EYS: variants seen among roughly 807,000 people sequenced by gnomAD.
EYS encodes the protein protein eyes shut homolog.
EYS carries 250 observed loss-of-function variants against 282.1 expected under a neutral mutation model. The observed-to-expected ratio is 0.89, with a 90% CI of 0.80 to 0.98. The LOEUF is 0.98. EYS is among the 50% of genes least tolerant of loss of function. The pLI is 0.00. For missense variants in EYS, 4,016 were observed against 3,709.0 expected (o/e 1.08, Z -2.15); for synonymous variants, 1,355 against 1,282.9 (o/e 1.06, Z -1.20).
intron 14 of EYS, 61 bp from the exon 15 acceptor site, chr6:64,945,975 G>T: frequency 1.6e-6 from 2 of 1,285,922 alleles, no homozygotes; most frequent in African/African-American, 3.0e-5. Flanking sequence ...CTATAATACA[G>T]ATATTACTCC....
At chr6:64,434,173 A>C (rs910607344) in intron 28 of EYS, among the ~76,000 whole-genome samples, 1 of 152,122 alleles carries the variant, frequency 6.6e-6, no homozygotes, top group African/African-American at 2.4e-5. Flanking sequence ...ATATGAAGAC[A>C]CAGAGAGAAT....
intron 29 of EYS, among the ~76,000 whole-genome samples, chr6:64,369,993 C>T (rs1772310442): frequency 6.6e-6 from 1 of 151,920 alleles, no homozygotes; most frequent in Non-Finnish European, 1.5e-5. Flanking sequence ...AGTTTGACTT[C>T]CTTTCTTCCT....
rs750573182 is a variant in EYS, at chr6:65,335,118, C to T, written c.1628G>A (p.Ser543Asn). Residue 543 changes from serine (S) to asparagine (N), a missense_variant, in exon 11 of 43, where the codon AGT becomes AAT. Ser to Asn is a conservative substitution (Grantham distance 46, BLOSUM62 1). Coordinates refer to ENST00000503581, the MANE Select transcript of EYS (RefSeq NM_001142800.2). ...CCGATATTCCTGACTGTCTTCTTCA[C>T]TCAAACAACTGCATCCATTTGCACA... ...EICANGCSCL[S>N]EEDSQEYRYL... 1 of 1,611,546 alleles carries T rather than the reference C, an allele frequency of 6.2e-7. No homozygotes were observed. The highest frequency in any genetic ancestry group is 1.1e-5 in the South Asian group (1 of 91,028).
intron 22 of EYS, among the ~76,000 whole-genome samples, chr6:64,644,904 C>T (rs1334546465): frequency 6.6e-6 from 1 of 152,096 alleles, no homozygotes; most frequent in Admixed American, 6.5e-5. Context: ...CTATATGAGC[C>T]TACAGGATGC....
chr6:63,841,993 T>A (rs978595311), intron 36 of EYS, among the ~76,000 whole-genome samples: 1 of 152,206 alleles, frequency 6.6e-6, no homozygotes, highest in Admixed American at 6.5e-5. Flanking sequence ...ACATTTTCTT[T>A]ATCCAGTCTA....
chr6:65,414,221 T>C (rs187041500), intron 5 of EYS, among the ~76,000 whole-genome samples: 2 of 152,220 alleles, frequency 1.3e-5, no homozygotes, highest in East Asian at 3.9e-4. Flanking sequence ...AGTCAACAAT[T>C]GTATGGGTAT....
At chr6:64,504,560 T>A (rs1201294529) in intron 26 of EYS, among the ~76,000 whole-genome samples, 1 of 152,172 alleles carries the variant, frequency 6.6e-6, no homozygotes, top group Non-Finnish European at 1.5e-5. Flanking sequence ...AAACTCACTG[T>A]CAAGTCACAG....
chr6:64,435,948 T>C (rs1774726458), intron 28 of EYS, among the ~76,000 whole-genome samples: 1 of 151,980 alleles, frequency 6.6e-6, no homozygotes, highest in Non-Finnish European at 1.5e-5. Flanking sequence ...TATGGATCTT[T>C]TGTAAATCTC....
intron 1 of EYS, among the ~76,000 whole-genome samples, chr6:65,665,201 A>C: frequency 6.6e-6 from 1 of 152,174 alleles, no homozygotes; most frequent in East Asian, 1.9e-4. Context: ...AACTTCAAAT[A>C]TCGAAAATCC....
intron 40 of EYS, among the ~76,000 whole-genome samples, chr6:63,769,548 C>T (rs992459108): frequency 1.3e-5 from 2 of 151,978 alleles, no homozygotes; most frequent in African/African-American, 4.8e-5. Context: ...TCTTCTGTCT[C>T]CAAACATAAA....
chr6:65,150,514 G>C (rs1251178404), intron 12 of EYS, among the ~76,000 whole-genome samples: 3 of 151,804 alleles, frequency 2.0e-5, no homozygotes, highest in Non-Finnish European at 1.5e-5. Flanking sequence ...CAGAATACCA[G>C]TATATTTATT....
intron 35 of EYS, among the ~76,000 whole-genome samples, chr6:63,874,563 T>A (rs943612493): frequency 6.6e-6 from 1 of 152,210 alleles, no homozygotes; most frequent in Non-Finnish European, 1.5e-5. Flanking sequence ...GGGGATGTCA[T>A]TGAATCTATA....
chr6:64,672,885 C>G lies in EYS; in HGVS notation c.3444-46640G>C, dbSNP rs1769515478. Among the ~76,000 whole-genome samples the G allele has an allele frequency of 1.3e-5, 2 of 152,158 alleles. 1 individual carries two copies. Among genetic ancestry groups the G allele is most frequent in the South Asian group, 4.1e-4 (2 of 4,828 alleles). On this transcript the variant is annotated intron_variant, in intron 22 of 42. Transcript: ENST00000503581. ...CTTACTACTCCTACCCTATAACCCTCACAGGGAAATGAAATATTGCCAGCA... is the reference window on the plus strand; with the variant it reads ...CTTACTACTCCTACCCTATAACCCTGACAGGGAAATGAAATATTGCCAGCA...
chr6:64,871,459 T>C (rs186779917), intron 19 of EYS, among the ~76,000 whole-genome samples: 2 of 152,102 alleles, frequency 1.3e-5, no homozygotes, highest in East Asian at 3.9e-4. Flanking sequence ...AGGTAACACA[T>C]GTTTTCTTTT....
intron 5 of EYS, among the ~76,000 whole-genome samples, chr6:65,471,477 T>C (rs1765216466): frequency 6.6e-6 from 1 of 152,124 alleles, no homozygotes; most frequent in African/African-American, 2.4e-5. Flanking sequence ...GGATTGTTTT[T>C]TATATTAGTA....
chr6:64,859,825 ATAAT>A (rs1322403769), intron 19 of EYS, among the ~76,000 whole-genome samples: 2 of 152,216 alleles, frequency 1.3e-5, no homozygotes, highest in African/African-American at 4.8e-5. Context: ...ATTGATAGAA[ATAAT>A]TAATATTGTG....
chr6:63,822,477 C>A (rs761227076), intron 36 of EYS: 2 of 152,166 alleles, frequency 1.3e-5, no homozygotes, highest in African/African-American at 2.4e-5. Flanking sequence ...AACCGAATTA[C>A]TAAGTGGAAC....
chr6:65,223,997 C>A (rs1405153486), intron 12 of EYS, among the ~76,000 whole-genome samples: 1 of 152,130 alleles, frequency 6.6e-6, no homozygotes, highest in Non-Finnish European at 1.5e-5. Flanking sequence ...TCACTAGACT[C>A]AGACAAGTTG....
intron 12 of EYS, among the ~76,000 whole-genome samples, chr6:65,083,189 A>G (rs1259937569): frequency 6.6e-6 from 1 of 151,980 alleles, no homozygotes; most frequent in Non-Finnish European, 1.5e-5. Flanking sequence ...TCAGTATTAG[A>G]CTCACGAACC....
Sources: gnomAD v4.1 joint callset for allele counts (sites outside exome capture counted in the v4.1 genomes callset) on GRCh38, gnomAD v4.1.1 for gene constraint, MANE v1.5 for transcripts, NCBI Gene and HGNC (gene_info 2026-07-23, HGNC 2026-07-21) for gene names.